DIAPH3: variants seen among roughly 807,000 people sequenced by gnomAD.
DIAPH3 encodes the protein protein diaphanous homolog 3.
A neutral mutation model predicts 144.3 loss-of-function variants in DIAPH3; 117 were observed. The observed-to-expected ratio is 0.81, with a 90% CI of 0.70 to 0.95. The LOEUF (loss-of-function observed/expected upper bound fraction) is 0.95. Among genes scored for constraint, DIAPH3 ranks in the 40% least tolerant of loss-of-function variants. The probability of loss-of-function intolerance (pLI) is 0.00; values close to 1 mark genes in which losing one functional copy is unlikely to be tolerated. For missense variants in DIAPH3, 1,421 were observed against 1,412.7 expected, an observed-to-expected ratio of 1.01 and a Z score of -0.09; for synonymous variants, 519 against 488.9, an observed-to-expected ratio of 1.06 and a Z score of -0.81.
chr13:59,676,137 T>C (rs1444783840), intron 27 of DIAPH3, among the ~76,000 whole-genome samples: 1 of 152,232 alleles, frequency 6.6e-6, no homozygotes, highest in East Asian at 1.9e-4. Flanking sequence ...AATCATGTAA[T>C]GTAGAATCAA....
chr13:60,006,352 G>A (rs775720049), intron 9 of DIAPH3, among the ~76,000 whole-genome samples: 4 of 152,084 alleles, frequency 2.6e-5, no homozygotes, highest in Non-Finnish European at 5.9e-5. Flanking sequence ...CTCATGTAAT[G>A]TAATACTGTT....
At chr13:59,732,018 A>C (rs1052484205) in intron 27 of DIAPH3, among the ~76,000 whole-genome samples, 5 of 152,148 alleles carry the variant, frequency 3.3e-5, no homozygotes, top group Non-Finnish European at 7.4e-5. Context: ...TAGTTTACGG[A>C]TTAGATTAGA....
At chr13:59,678,998 T>C (rs2138623395) in intron 27 of DIAPH3, among the ~76,000 whole-genome samples, 1 of 152,306 alleles carries the variant, frequency 6.6e-6, no homozygotes, top group Admixed American at 6.5e-5. Context: ...GATCAATGAT[T>C]TGGGTGCTGG....
chr13:59,717,287 C>T (rs1027522020), intron 27 of DIAPH3, among the ~76,000 whole-genome samples: 3 of 152,164 alleles, frequency 2.0e-5, no homozygotes, highest in Non-Finnish European at 4.4e-5. Flanking sequence ...ACCGATTAAG[C>T]TTTAAGTACT....
At chr13:59,882,183 G>T (rs925573799) in intron 20 of DIAPH3, among the ~76,000 whole-genome samples, 1 of 152,092 alleles carries the variant, frequency 6.6e-6, no homozygotes, top group African/African-American at 2.4e-5. Flanking sequence ...CTACCTCCTG[G>T]GTTCAAGCAA....
chr13:60,046,303 T>A (rs1449547076), intron 4 of DIAPH3, among the ~76,000 whole-genome samples: 1 of 152,110 alleles, frequency 6.6e-6, no homozygotes, highest in African/African-American at 2.4e-5. Flanking sequence ...AAATGCTCAA[T>A]TACTGTAAGG....
chr13:60,133,002 A>C lies in DIAPH3; in HGVS notation c.181-13T>G. The stretch of plus-strand genomic sequence containing the variant: ...TAATATTTAAATGCTGCAAATTAAA[A>C]AAAAGCAATCATATTAGTAATTTAT... On this transcript the variant is annotated splice_polypyrimidine_tract_variant and intron_variant, in intron 1 of 27. Transcript: ENST00000400324. 6.3e-7 allele frequency: 1 copy of C among 1,592,920 alleles called. No individual in the cohort carries two copies. The highest frequency in any genetic ancestry group is 1.1e-5 in the South Asian group (1 of 90,004).
intron 17 of DIAPH3, among the ~76,000 whole-genome samples, chr13:59,947,725 T>A (rs1316951624): frequency 6.6e-6 from 1 of 150,410 alleles, no homozygotes; most frequent in East Asian, 1.9e-4. Context: ...AGAGCAAGAC[T>A]CTGTATTTAA....
intron 9 of DIAPH3, among the ~76,000 whole-genome samples, chr13:60,000,758 T>C (rs2052475541): frequency 6.6e-6 from 1 of 152,220 alleles, no homozygotes; most frequent in Admixed American, 6.5e-5. Flanking sequence ...CTCTCTGACA[T>C]AATTATTTCT....
chr13:59,803,752 A>C (rs1162748984), intron 25 of DIAPH3, among the ~76,000 whole-genome samples: 1 of 152,202 alleles, frequency 6.6e-6, no homozygotes, highest in African/African-American at 2.4e-5. Flanking sequence ...ACTCTGAATG[A>C]GTTTTCATAA....
chr13:60,011,025 G>A (rs774303684), intron 7 of DIAPH3, among the ~76,000 whole-genome samples: 16 of 151,486 alleles, frequency 1.1e-4, no homozygotes, highest in Non-Finnish European at 2.2e-4. Context: ...GAATCACTTG[G>A]ACCCGAGAGG....
intron 24 of DIAPH3, among the ~76,000 whole-genome samples, chr13:59,827,357 C>A (rs2041498248): frequency 6.6e-6 from 1 of 152,006 alleles, no homozygotes; most frequent in Admixed American, 6.6e-5. Context: ...ACAACCCCAT[C>A]AAAAACTGGG....
intron 20 of DIAPH3, among the ~76,000 whole-genome samples, chr13:59,888,597 AC>A (rs1269880407): frequency 6.6e-6 from 1 of 151,502 alleles, no homozygotes. Flanking sequence ...GGAATTATAA[AC>A]CCTGTTACGC....
chr13:60,143,214 C>T (rs1045816833), intron 1 of DIAPH3, among the ~76,000 whole-genome samples: 1 of 152,188 alleles, frequency 6.6e-6, no homozygotes. Flanking sequence ...CAGGAAGGTT[C>T]TCTAAGCTTG....
At chr13:60,066,722 T>C (rs1311153304) in intron 4 of DIAPH3, among the ~76,000 whole-genome samples, 1 of 152,260 alleles carries the variant, frequency 6.6e-6, no homozygotes, top group African/African-American at 2.4e-5. Context: ...ATTAGAATTC[T>C]TGTGAAAATC....
intron 27 of DIAPH3, among the ~76,000 whole-genome samples, chr13:59,674,415 CATG>C (rs1226836927): frequency 6.6e-6 from 1 of 152,176 alleles, no homozygotes; most frequent in Non-Finnish European, 1.5e-5. Flanking sequence ...CATGCTCTAT[CATG>C]ATATTGCCCT....
intron 2 of DIAPH3, among the ~76,000 whole-genome samples, chr13:60,126,963 C>T (rs1021392330): frequency 1.3e-5 from 2 of 151,248 alleles, no homozygotes; most frequent in Admixed American, 1.3e-4. Flanking sequence ...CTTAAGAAAT[C>T]AGAGAAAAAA....
At chr13:60,139,826 C>T (rs532669719) in intron 1 of DIAPH3, among the ~76,000 whole-genome samples, 102 of 152,246 alleles carry the variant, frequency 6.7e-4, no homozygotes, top group African/African-American at 2.4e-3. Flanking sequence ...AATTTAGTAA[C>T]ACAGCTTTTG....
intron 12 of DIAPH3, among the ~76,000 whole-genome samples, chr13:59,990,284 C>CA (rs982096189): frequency 1.3e-5 from 2 of 151,580 alleles, no homozygotes; most frequent in African/African-American, 2.4e-5. Flanking sequence ...TTAGGTACAT[C>CA]AAAAAATCAC....
Sources: allele counts gnomAD v4.1 joint callset (sites outside exome capture counted in the v4.1 genomes callset), GRCh38; gene constraint gnomAD v4.1.1; transcripts MANE v1.5; gene names NCBI Gene and HGNC (gene_info 2026-07-23, HGNC 2026-07-21).